Variants in EXOC6B observed in about 807,000 individuals in gnomAD.
EXOC6B encodes the protein exocyst complex component 6B, also known as SEC15 homolog B.
EXOC6B carries 54 observed loss-of-function variants against 113.5 expected under a neutral mutation model. That is an observed-to-expected ratio of 0.48 (90% CI 0.38 to 0.60). EXOC6B has a LOEUF of 0.60. Among genes scored for constraint, EXOC6B ranks in the 20% least tolerant of loss-of-function variants. The pLI is 0.00. For synonymous variants in EXOC6B, 357 were observed against 339.0 expected, an observed-to-expected ratio of 1.05 and a Z score of -0.58; for missense variants, 797 against 977.5, an observed-to-expected ratio of 0.82 and a Z score of 2.46.
intron 8 of EXOC6B, among the ~76,000 whole-genome samples, chr2:72,543,883 A>G (rs1702758465): frequency 6.6e-6 from 1 of 152,214 alleles, no homozygotes; most frequent in Non-Finnish European, 1.5e-5. Flanking sequence ...TAAGTGTCAG[A>G]GACGGACTAG....
At chr2:72,805,778 CCCATTCTGTCCTCCT>C (rs1372280627) in intron 1 of EXOC6B, among the ~76,000 whole-genome samples, 2 of 152,074 alleles carry the variant, frequency 1.3e-5, no homozygotes, top group Non-Finnish European at 2.9e-5. Flanking sequence ...CCAGTATCTC[CCCATTCTGTCCTCCT>C]CCAGCCTCTG....
chr2:72,549,656 T>C (rs1190528757), intron 8 of EXOC6B, among the ~76,000 whole-genome samples: 1 of 152,174 alleles, frequency 6.6e-6, no homozygotes, highest in Non-Finnish European at 1.5e-5. Context: ...CACTAGGCAA[T>C]ACATATAAGT....
At chr2:72,823,342 T>C (rs939795103) in intron 1 of EXOC6B, among the ~76,000 whole-genome samples, 3 of 148,758 alleles carry the variant, frequency 2.0e-5, no homozygotes. Flanking sequence ...AAAAACTCAG[T>C]AACAACAATG....
chr2:72,720,680 G>T (rs1184153390), intron 5 of EXOC6B, among the ~76,000 whole-genome samples: 1 of 152,104 alleles, frequency 6.6e-6, no homozygotes, highest in African/African-American at 2.4e-5. Context: ...TTAAACCCGG[G>T]TGGGCAGAGG....
At chr2:72,399,009 G>GAAAAAAA (rs576686166) in intron 18 of EXOC6B, among the ~76,000 whole-genome samples, 1 of 122,664 alleles carries the variant, frequency 8.2e-6, no homozygotes, top group Non-Finnish European at 1.9e-5. Context: ...CAGTGAAAAA[G>GAAAAAAA]AAAAAAAAAA....
chr2:72,187,526 C>T (rs1678516978), intron 20 of EXOC6B, among the ~76,000 whole-genome samples: 1 of 152,034 alleles, frequency 6.6e-6, no homozygotes, highest in Non-Finnish European at 1.5e-5. Context: ...GCCAGGGTGT[C>T]CCGGCAAGTA....
chr2:72,783,070 C>G (rs1405608831), intron 1 of EXOC6B, among the ~76,000 whole-genome samples: 1 of 152,048 alleles, frequency 6.6e-6, no homozygotes, highest in East Asian at 1.9e-4. Context: ...CATGATAGTT[C>G]TATTTTTGAG....
At chr2:72,330,899 T>C (rs576084108) in intron 20 of EXOC6B, among the ~76,000 whole-genome samples, 25 of 152,170 alleles carry the variant, frequency 1.6e-4, no homozygotes, top group African/African-American at 5.5e-4. Flanking sequence ...GGTTAGGTTG[T>C]TTGTAGATGA....
At chr2:72,504,418 C>G (rs1700493991) in intron 11 of EXOC6B, among the ~76,000 whole-genome samples, 2 of 152,138 alleles carry the variant, frequency 1.3e-5, no homozygotes, top group Non-Finnish European at 2.9e-5. Context: ...GTATAATTTT[C>G]TTTCTCGCTT....
intron 1 of EXOC6B, among the ~76,000 whole-genome samples, chr2:72,793,321 C>G (rs1344313091): frequency 1.3e-5 from 2 of 152,204 alleles, no homozygotes; most frequent in African/African-American, 2.4e-5. Flanking sequence ...AGACCCACAA[C>G]TTTCATACAC....
rs140428340 is a variant in EXOC6B, at chr2:72,656,721, G to A, written c.669+61382C>T. ...TAATTTAAAAATCCATAAAACTGCCGCTCAGAGATGACTACTACTATCAGT... is the reference window on the plus strand; with the variant it reads ...TAATTTAAAAATCCATAAAACTGCCACTCAGAGATGACTACTACTATCAGT... On this transcript the variant is annotated intron_variant, in intron 6 of 21. Coordinates refer to ENST00000272427, the MANE Select transcript of EXOC6B (RefSeq NM_015189.3). Among the ~76,000 whole-genome samples the A allele has an allele frequency of 1.1e-4, 17 of 152,174 alleles. 1 individual carries two copies. Among genetic ancestry groups the A allele is most frequent in the African/African-American group, 2.9e-4 (12 of 41,522 alleles).
At chr2:72,417,197 T>C (rs866512069) in intron 18 of EXOC6B, among the ~76,000 whole-genome samples, 2 of 152,238 alleles carry the variant, frequency 1.3e-5, no homozygotes, top group African/African-American at 2.4e-5. Flanking sequence ...TACTGTCAGA[T>C]ACTCTGGCTT....
At chr2:72,265,343 G>T (rs1285286574) in intron 20 of EXOC6B, among the ~76,000 whole-genome samples, 1 of 150,492 alleles carries the variant, frequency 6.6e-6, no homozygotes, top group Non-Finnish European at 1.5e-5. Context: ...ATGCTGGTGT[G>T]CTGCACCCAT....
chr2:72,804,267 T>A (rs1487424557), intron 1 of EXOC6B, among the ~76,000 whole-genome samples: 1 of 152,176 alleles, frequency 6.6e-6, no homozygotes, highest in Non-Finnish European at 1.5e-5. Flanking sequence ...TAATTTTTAT[T>A]TACTTGTTTA....
intron 6 of EXOC6B, among the ~76,000 whole-genome samples, chr2:72,639,955 C>T (rs113561389): frequency 3.3e-5 from 5 of 152,214 alleles, no homozygotes; most frequent in East Asian, 3.9e-4. Context: ...AAAAAGCCAG[C>T]GTGCTTTCTT....
chr2:72,662,369 A>G (rs1675084030), intron 6 of EXOC6B, among the ~76,000 whole-genome samples: 1 of 152,230 alleles, frequency 6.6e-6, no homozygotes, highest in African/African-American at 2.4e-5. Flanking sequence ...ACGGTTAAAA[A>G]GCAAACTACT....
chr2:72,378,728 G>T (rs757211216), intron 19 of EXOC6B, among the ~76,000 whole-genome samples: 4 of 152,166 alleles, frequency 2.6e-5, no homozygotes, highest in Non-Finnish European at 5.9e-5. Context: ...GGGCAAGGGT[G>T]TGAGCAGACT....
chr2:72,318,596 T>G (rs1238186308), intron 20 of EXOC6B, among the ~76,000 whole-genome samples: 1 of 152,142 alleles, frequency 6.6e-6, no homozygotes, highest in Admixed American at 6.5e-5. Context: ...TTCACCATGT[T>G]GTCCAGGCAG....
At chr2:72,320,682 G>C (rs1687797027) in intron 20 of EXOC6B, among the ~76,000 whole-genome samples, 1 of 152,158 alleles carries the variant, frequency 6.6e-6, no homozygotes, top group Admixed American at 6.5e-5. Context: ...GATTTCTTAA[G>C]ATAGGACACA....
Sources: allele counts gnomAD v4.1 joint callset (sites outside exome capture counted in the v4.1 genomes callset), GRCh38; gene constraint gnomAD v4.1.1; transcripts MANE v1.5; gene names NCBI Gene and HGNC (gene_info 2026-07-23, HGNC 2026-07-21).